The following ERI3 variants were observed in gnomAD, a reference collection of about 807,000 sequenced individuals.
The protein encoded by ERI3 is ERI1 exoribonuclease 3.
Under a neutral mutation model 44.4 loss-of-function variants are expected in ERI3, and 18 were observed. The observed-to-expected ratio is 0.41, with a 90% confidence interval of 0.28 to 0.60. The LOEUF (loss-of-function observed/expected upper bound fraction) is 0.60, where lower values mean the gene tolerates loss of function less well. ERI3 is among the 20% of genes least tolerant of loss of function. The probability of loss-of-function intolerance (pLI) is 0.36; values close to 1 mark genes in which losing one functional copy is unlikely to be tolerated. For missense variants in ERI3, 294 were observed against 435.5 expected (o/e 0.68, Z 2.89); for synonymous variants, 183 against 164.8 (o/e 1.11, Z -0.84).
intron 7 of ERI3, among the ~76,000 whole-genome samples, chr1:44,251,290 T>C (rs1415322043): frequency 6.6e-6 from 1 of 152,236 alleles, no homozygotes; most frequent in Non-Finnish European, 1.5e-5. Flanking sequence ...CCCAAGCGCA[T>C]ATATGCTGGC....
rs2154318662 is a variant in ERI3 at position 44,252,357 on chromosome 1, C to G, written c.832-4319G>C. ...CGGCTGGCTCTCCCCTCTCGTGGCT[C>G]TGCCCGCCTTGGCTGCTGCCCCATT... On this transcript the variant is annotated intron_variant, in intron 7 of 8. Transcript: ENST00000372257. This position sits in a 1 kb window ranked among gnomAD's most constrained non-coding sequence, Gnocchi z 4.7. 6.6e-6 allele frequency among the ~76,000 whole-genome samples: 1 copy of G among 152,384 alleles called. No individual in the cohort carries two copies. The highest frequency in any genetic ancestry group is 2.1e-4 in the South Asian group (1 of 4,830).
At chr1:44,334,044 A>C (rs1249605262) in intron 3 of ERI3, among the ~76,000 whole-genome samples, 1 of 152,232 alleles carries the variant, frequency 6.6e-6, no homozygotes, top group African/African-American at 2.4e-5. Context: ...GCAAACAGTC[A>C]GTAGGGCTGC....
chr1:44,315,371 A>G (rs76348461), intron 4 of ERI3, among the ~76,000 whole-genome samples: 1,846 of 152,300 alleles, frequency 0.012, 71 homozygotes, highest in East Asian at 0.069. Context: ...TGTGTACCCC[A>G]TAAGCCCCTG....
chr1:44,246,057 C>T (rs1277343062), intron 8 of ERI3, among the ~76,000 whole-genome samples: 1 of 152,214 alleles, frequency 6.6e-6, no homozygotes, highest in Non-Finnish European at 1.5e-5. Context: ...GCTTTGATCA[C>T]GTCATTCTCT....
At chr1:44,261,989 G>A (rs988352084) in intron 7 of ERI3, among the ~76,000 whole-genome samples, 2 of 152,182 alleles carry the variant, frequency 1.3e-5, no homozygotes, top group Non-Finnish European at 2.9e-5. Flanking sequence ...GGGAGGATCT[G>A]CTTGGGGTCG....
intron 1 of ERI3, 154 bp downstream of exon 1, chr1:44,354,738 C>T (rs998364479): frequency 2.0e-6 from 2 of 985,234 alleles, no homozygotes; most frequent in Non-Finnish European, 2.4e-6. Flanking sequence ...CCCCGCTCCC[C>T]CTCCGCCAGA....
intron 6 of ERI3, among the ~76,000 whole-genome samples, chr1:44,287,477 C>T (rs1015789870): frequency 6.6e-6 from 1 of 152,190 alleles, no homozygotes; most frequent in Admixed American, 6.5e-5. Context: ...TTATAAGACC[C>T]AAGATATCTC....
At chr1:44,345,508 G>A (rs906360256) in intron 2 of ERI3, among the ~76,000 whole-genome samples, 4 of 152,184 alleles carry the variant, frequency 2.6e-5, no homozygotes, top group African/African-American at 9.7e-5. Context: ...AACAATCATA[G>A]CTTCCTCAGT....
chr1:44,233,997 C>G (rs1327302169), intron 8 of ERI3, among the ~76,000 whole-genome samples: 1 of 152,194 alleles, frequency 6.6e-6, no homozygotes, highest in Non-Finnish European at 1.5e-5. Flanking sequence ...CTCCTTGAAG[C>G]TCTCTTCCCT....
At chr1:44,245,916 C>G (rs1218163913) in intron 8 of ERI3, among the ~76,000 whole-genome samples, 2 of 152,190 alleles carry the variant, frequency 1.3e-5, no homozygotes, top group African/African-American at 4.8e-5. Context: ...TGGTTCCTCC[C>G]TTTCCCATCA....
chr1:44,301,881 T>C lies in ERI3; in HGVS notation c.758+6429A>G, dbSNP rs373358474. 1.8e-4 allele frequency among the ~76,000 whole-genome samples: 27 copies of C among 152,334 alleles called. No individual in the cohort carries two copies. The South Asian group carries it at 5.6e-3, about 32-fold the overall frequency. Reference sequence around the variant, plus strand: ...GGTGGTTGTAGGCCTAGGAGCTAGGTTGATTCAGACTGGTAGCAAACAGCA... The same window carrying C: ...GGTGGTTGTAGGCCTAGGAGCTAGGCTGATTCAGACTGGTAGCAAACAGCA... On this transcript the variant is annotated intron_variant, in intron 6 of 8. Coordinates refer to ENST00000372257, the MANE Select transcript of ERI3 (RefSeq NM_024066.3).
chr1:44,221,904 C>T lies in ERI3; in HGVS notation c.932-264G>A, dbSNP rs1046170250. Among the ~76,000 whole-genome samples the T allele has an allele frequency of 1.6e-4, 24 of 152,196 alleles. No individual in the cohort carries two copies. The highest frequency in any genetic ancestry group is 2.2e-4 in the Non-Finnish European group (15 of 68,038). ...CCGGCATGTCCCGCCCCAGCCCCAG[C>T]GGTGATGTATGGGCGCCGTCGCAGT... On this transcript the variant is annotated intron_variant, in intron 8 of 8. Transcript: ENST00000372257. The surrounding 1 kb of genome is among the most constrained non-coding windows in gnomAD (Gnocchi z 5.9).
intron 2 of ERI3, among the ~76,000 whole-genome samples, chr1:44,347,775 T>TAAA (rs60789961): frequency 6.7e-6 from 1 of 148,614 alleles, no homozygotes; most frequent in Admixed American, 6.7e-5. Context: ...GTGCATGTGT[T>TAAA]AAAAAAAAAA....
At chr1:44,277,499 C>T (rs1047555179) in intron 7 of ERI3, among the ~76,000 whole-genome samples, 1 of 152,234 alleles carries the variant, frequency 6.6e-6, no homozygotes, top group Admixed American at 6.5e-5. Flanking sequence ...TCCACCTCCT[C>T]ATTTCTCATT....
intron 4 of ERI3, among the ~76,000 whole-genome samples, chr1:44,315,311 C>T (rs926581133): frequency 3.3e-5 from 5 of 152,210 alleles, no homozygotes; most frequent in African/African-American, 1.2e-4. Context: ...AGCAATGCAC[C>T]CTTGCCAAGA....
rs1646974040 is a variant in ERI3 at position 44,355,121 on chromosome 1, G to C, written c.-95C>G. The C allele has an allele frequency of 5.7e-6, 7 of 1,235,288 alleles. No individual in the cohort carries two copies. The South Asian group carries it at 2.9e-4, about 51-fold the overall frequency. The allele number at this position is 1,235,288 out of a possible 1,614,324, so 76.5% of individuals were successfully genotyped here. The stretch of plus-strand genomic sequence containing the variant: ...CCTCAGCAAGCGCTCAGGGCAGTTG[G>C]CGGCGGCGGGCGCGGCCCGCGCCGA... On this transcript the variant is annotated 5_prime_UTR_variant, in exon 1 of 9. Coordinates refer to ENST00000372257, the MANE Select transcript of ERI3 (RefSeq NM_024066.3).
chr1:44,351,996 T>C (rs186823809), intron 2 of ERI3, among the ~76,000 whole-genome samples: 2 of 152,314 alleles, frequency 1.3e-5, no homozygotes, highest in East Asian at 3.9e-4. Flanking sequence ...TCTCAGATCA[T>C]ATCATAACTG....
intron 6 of ERI3, among the ~76,000 whole-genome samples, chr1:44,288,281 C>T (rs2154323729): frequency 6.6e-6 from 1 of 152,322 alleles, no homozygotes; most frequent in African/African-American, 2.4e-5. Context: ...GCTCTAGTCA[C>T]TTGCAGGTAC....
At chr1:44,288,885 T>C (rs6666212) in intron 6 of ERI3, among the ~76,000 whole-genome samples, 3 of 151,566 alleles carry the variant, frequency 2.0e-5, no homozygotes, top group African/African-American at 4.8e-5. Flanking sequence ...AGGGTCTGAA[T>C]GCTGTACATT....
Sources: gnomAD v4.1 joint callset for allele counts (sites outside exome capture counted in the v4.1 genomes callset) on GRCh38, gnomAD v4.1.1 for gene constraint, Gnocchi (gnomAD v3.1) non-coding constraint, MANE v1.5 for transcripts, NCBI Gene and HGNC (gene_info 2026-07-23, HGNC 2026-07-21) for gene names.